Variants in CECR2 observed in about 807,000 individuals in gnomAD.
CECR2 encodes the protein CECR2 histone acetyl-lysine reader, also known as chromatin remodeling regulator CECR2.
CECR2 carries 30 observed loss-of-function variants against 154.5 expected under a neutral mutation model. The ratio of observed to expected loss-of-function variants is 0.19; its 90% CI spans 0.15 to 0.26. CECR2 has a LOEUF of 0.26. Among genes scored for constraint, CECR2 ranks in the 10% least tolerant of loss-of-function variants. CECR2 has a pLI of 1.00. For missense variants in CECR2, 1,743 were observed against 1,829.3 expected, an observed-to-expected ratio of 0.95 and a Z score of 0.86; for synonymous variants, 725 against 683.7, an observed-to-expected ratio of 1.06 and a Z score of -0.94.
chr22:17,522,601 A>C (rs1373349603), intron 8 of CECR2, among the ~76,000 whole-genome samples: 3 of 152,190 alleles, frequency 2.0e-5, no homozygotes, highest in African/African-American at 7.2e-5. Context: ...GTACAGTGTT[A>C]ACGTATGCAG....
At chr22:17,444,326 A>T (rs2054626863) in intron 1 of CECR2, among the ~76,000 whole-genome samples, 1 of 152,170 alleles carries the variant, frequency 6.6e-6, no homozygotes. Context: ...GCTGGTAAGG[A>T]GTAATTAAAA....
chr22:17,526,908 A>G (rs1296780), intron 9 of CECR2, among the ~76,000 whole-genome samples: 21,782 of 152,068 alleles, frequency 0.14, 1,985 homozygotes, highest in Non-Finnish European at 0.2. Context: ...ATTGATTTCA[A>G]GCACAGGCAC....
intron 7 of CECR2, among the ~76,000 whole-genome samples, chr22:17,506,790 A>G (rs894859398): frequency 2.6e-5 from 4 of 151,982 alleles, no homozygotes; most frequent in Admixed American, 6.6e-5. Flanking sequence ...AGTAGCTGGG[A>G]CTATAGGCGT....
rs2055796230 is a variant in CECR2 at position 17,504,388 on chromosome 22, TTAAG to T, written c.701-455_701-452del. Among the ~76,000 whole-genome samples, 2 of 151,674 alleles carry T rather than the reference TTAAG, an allele frequency of 1.3e-5. 1 individual carries two copies. Among genetic ancestry groups the T allele is most frequent in the South Asian group, 4.2e-4 (2 of 4,796 alleles). ...AGACGTTGTCTCAAAAAAAATAAAA[TTAAG>T]TAATAGGTCTCTTTTTTGAGTTCCT... On this transcript the variant is annotated intron_variant, in intron 6 of 18. Coordinates refer to ENST00000262608, the MANE Select transcript of CECR2 (RefSeq NM_001290047.2).
rs200474238 is a variant in CECR2 at position 17,548,836 on chromosome 22, G to A, written c.3549G>A (p.Arg1183=). The A allele has an allele frequency of 3.1e-6, 5 of 1,613,522 alleles. No individual in the cohort carries two copies. In the East Asian group the frequency reaches 8.9e-5, roughly 29 times the overall value. The change falls in exon 17 of 19, where the codon AGG becomes AGA. Residue 1183 remains arginine (R), a synonymous_variant. Transcript: ENST00000262608. ...GGTATCGCCCCCCACAAGGAATGAG[G>A]TATTCCTACCACCCACCGCCACAGC... ...FPRYRPPQGM[R]YSYHPPPQPS...
intron 16 of CECR2, among the ~76,000 whole-genome samples, chr22:17,547,635 A>C (rs1214641653): frequency 6.6e-6 from 1 of 152,208 alleles, no homozygotes; most frequent in African/African-American, 2.4e-5. Context: ...GTGTGCATGA[A>C]CTGAGAGGAC....
At chr22:17,444,138 A>G (rs189580495) in intron 1 of CECR2, among the ~76,000 whole-genome samples, 300 of 152,308 alleles carry the variant, frequency 2.0e-3, no homozygotes, top group African/African-American at 6.3e-3. Flanking sequence ...AGCTTAGTAC[A>G]GCTCAGTCAT....
intron 1 of CECR2, among the ~76,000 whole-genome samples, chr22:17,453,305 G>A (rs1001004692): frequency 2.0e-5 from 3 of 152,082 alleles, no homozygotes; most frequent in African/African-American, 7.3e-5. Context: ...AACTGGACAC[G>A]GTGGCGTATG....
chr22:17,485,384 CTT>C (rs2055401957), intron 2 of CECR2, among the ~76,000 whole-genome samples: 1 of 152,148 alleles, frequency 6.6e-6, no homozygotes, highest in South Asian at 2.1e-4. Flanking sequence ...ATTTTTAACT[CTT>C]TGACATACTA....
intron 1 of CECR2, among the ~76,000 whole-genome samples, chr22:17,432,890 C>CT (rs767265097): frequency 1.3e-5 from 2 of 152,218 alleles, no homozygotes; most frequent in Non-Finnish European, 2.9e-5. Flanking sequence ...CTCTATCTGT[C>CT]TGAGTGTGGC....
chr22:17,375,915 A>G (rs910204782), intron 1 of CECR2, among the ~76,000 whole-genome samples: 14 of 151,564 alleles, frequency 9.2e-5, no homozygotes, highest in Non-Finnish European at 1.8e-4. Flanking sequence ...AGATCGCGCC[A>G]TTGCACTCCA....
chr22:17,456,193 A>G (rs1048466049), intron 1 of CECR2, among the ~76,000 whole-genome samples: 3 of 152,158 alleles, frequency 2.0e-5, no homozygotes, highest in African/African-American at 4.8e-5. Context: ...TAAAAATACT[A>G]TATTCTAAAA....
At chr22:17,365,223 T>TA (rs919364228), upstream of CECR2, among the ~76,000 whole-genome samples, 4 of 151,368 alleles carry the variant, frequency 2.6e-5, no homozygotes, top group Admixed American at 6.6e-5. Context: ...AAACTCTGTC[T>TA]AAAAAAAAGG....
chr22:17,549,298 A>G lies in CECR2; in HGVS notation c.4011A>G (p.Pro1337=), dbSNP rs1232899799. Residue 1337 remains proline, a synonymous_variant, in exon 17 of 19, where the codon CCA becomes CCG. Coordinates refer to ENST00000262608, the MANE Select transcript of CECR2 (RefSeq NM_001290047.2). ...TGGGATTTGGTTCATCTGCATTTCCACCCCACAGTGTGATGCTGCAGACGG... is the reference window on the plus strand; with the variant it reads ...TGGGATTTGGTTCATCTGCATTTCCGCCCCACAGTGTGATGCTGCAGACGG... The part of the protein sequence containing the change: ...SGMGFGSSAF[P]PHSVMLQTGP... The G allele has an allele frequency of 1.9e-6, 3 of 1,613,682 alleles. No individual in the cohort carries two copies. The highest frequency in any genetic ancestry group is 2.5e-6 in the Non-Finnish European group (3 of 1,179,886).
rs1392278288 is a variant in CECR2, at chr22:17,369,728, G to C, written c.-56G>C. The C allele has an allele frequency of 6.7e-6, 1 of 149,726 alleles. No individual in the cohort carries two copies. The highest frequency in any genetic ancestry group is 2.1e-4 in the South Asian group (1 of 4,824). The allele number at this position is 149,726 out of a possible 1,614,324, so 9.3% of individuals were successfully genotyped here. A position where few individuals can be genotyped will look rare whatever the true frequency, so the allele number is the denominator to read the frequency against. Reference sequence around the variant, plus strand: ...CGGCGCTGCCGCGGCGGGAGTCCCAGGTCGGCGGGCAGAGCGCGGGCAGCG... The same window carrying C: ...CGGCGCTGCCGCGGCGGGAGTCCCACGTCGGCGGGCAGAGCGCGGGCAGCG... On this transcript the variant is annotated 5_prime_UTR_variant, in exon 1 of 19. Coordinates refer to ENST00000262608, the MANE Select transcript of CECR2 (RefSeq NM_001290047.2).
At chr22:17,435,706 AAAAAC>A (rs1437922297) in intron 1 of CECR2, among the ~76,000 whole-genome samples, 6 of 145,554 alleles carry the variant, frequency 4.1e-5, no homozygotes, top group African/African-American at 1.7e-4. Context: ...AAAAAAAAAA[AAAAAC>A]AGGAGCAGGA....
intron 1 of CECR2, chr22:17,424,388 C>T (rs893492571): frequency 5.3e-5 from 10 of 189,702 alleles, no homozygotes; most frequent in African/African-American, 2.1e-4. Flanking sequence ...TGGTCATCTC[C>T]CTCAATTGCA....
At chr22:17,429,114 TA>T (rs1467998160) in intron 1 of CECR2, among the ~76,000 whole-genome samples, 1 of 151,936 alleles carries the variant, frequency 6.6e-6, no homozygotes, top group Non-Finnish European at 1.5e-5. Context: ...ATTGGTGGGA[TA>T]GGGGAGAGTC....
chr22:17,404,397 G>A (rs1423714630), intron 1 of CECR2, among the ~76,000 whole-genome samples: 11 of 27,048 alleles, frequency 4.1e-4, no homozygotes, highest in African/African-American at 1.5e-3. Context: ...TTTTTGAGAC[G>A]GAGTCTCGCT....
Sources: allele counts gnomAD v4.1 joint callset (sites outside exome capture counted in the v4.1 genomes callset), GRCh38; gene constraint gnomAD v4.1.1; transcripts MANE v1.5; gene names NCBI Gene and HGNC (gene_info 2026-07-23, HGNC 2026-07-21).